The following SHROOM2 variants were observed in gnomAD, a reference collection of about 807,000 sequenced individuals.
SHROOM2 encodes the protein protein Shroom2.
In SHROOM2, 33 loss-of-function variants were observed where a neutral mutation model predicts 75.9. The ratio of observed to expected loss-of-function variants is 0.43; its 90% CI spans 0.33 to 0.58. The LOEUF is 0.58. Ranked by LOEUF, SHROOM2 falls within the 20% of genes least tolerant of loss-of-function variation. The pLI, the probability that SHROOM2 is intolerant of heterozygous loss-of-function variation, is 0.04. For missense variants in SHROOM2, 1,434 were observed against 1,461.2 expected, an observed-to-expected ratio of 0.98 and a Z score of 0.30; for synonymous variants, 655 against 663.6, an observed-to-expected ratio of 0.99 and a Z score of 0.20.
chrX:9,915,915 A>G (rs1331767094), intron 5 of SHROOM2, among the ~76,000 whole-genome samples: 2 of 111,799 alleles, frequency 1.8e-5, no homozygotes, highest in Admixed American at 1.9e-4. Context: ...TTTTCTCTTA[A>G]TTTATGAAGC....
intron 6 of SHROOM2, among the ~76,000 whole-genome samples, chrX:9,935,349 G>GT (rs1220857146): frequency 2.0e-5 from 2 of 101,965 alleles, no homozygotes; most frequent in African/African-American, 7.6e-5. Flanking sequence ...TTATTATTAT[G>GT]TTTTTAACAG....
intron 5 of SHROOM2, among the ~76,000 whole-genome samples, chrX:9,914,758 G>C (rs191038919): frequency 1.6e-3 from 176 of 112,166 alleles, no homozygotes; most frequent in African/African-American, 5.6e-3. Context: ...CAAACTGGGG[G>C]CGGGGTGACT....
intron 1 of SHROOM2, among the ~76,000 whole-genome samples, chrX:9,792,067 AATAG>A: frequency 1.9e-4 from 1 of 5,386 alleles, no homozygotes; most frequent in African/African-American, 5.5e-4. Flanking sequence ...AATAGAATAG[AATAG>A]AATAGAATAG....
chrX:9,850,745 T>TG (rs2084034354), intron 1 of SHROOM2, among the ~76,000 whole-genome samples: 2 of 98,532 alleles, frequency 2.0e-5, no homozygotes, highest in Non-Finnish European at 4.0e-5. Context: ...GAGGCTGAGG[T>TG]GGGGGGATCA....
chrX:9,817,162 A>G (rs1453069330), intron 1 of SHROOM2, among the ~76,000 whole-genome samples: 1 of 109,766 alleles, frequency 9.1e-6, no homozygotes, highest in Non-Finnish European at 1.9e-5. Context: ...TTGTAGAGAC[A>G]GGATTTCACG....
At chrX:9,938,639 C>T (rs185705106) in intron 7 of SHROOM2, among the ~76,000 whole-genome samples, 1 of 112,533 alleles carries the variant, frequency 8.9e-6, no homozygotes, top group Non-Finnish European at 1.9e-5. Flanking sequence ...GCACTTTCAG[C>T]GTATCTCCTT....
Position 9,896,039 on chromosome X carries a change from C to T in SHROOM2, c.2131C>T (p.Pro711Ser), listed in dbSNP as rs1282591965. ...GGACCCCAACCCAGGAGACCTATAC[C>T]CGGAGTCACTGGAACACCGGATGGG... ...DLDPNPGDLYPESLEHRMGDP... is the reference protein window; with the variant it reads ...DLDPNPGDLYSESLEHRMGDP... The change falls in exon 4 of 10, where the codon CCG (proline) becomes TCG (serine). Residue 711 changes from proline (P) to serine (S), a missense_variant. This residue lies in a region of SHROOM2 where 1,340 missense variants were observed against 1,338.3 expected (regional missense o/e 1.00). Coordinates refer to ENST00000380913, the MANE Select transcript of SHROOM2 (RefSeq NM_001649.4). 8.3e-6 allele frequency: 10 copies of T among 1,210,766 alleles called. No homozygotes were observed. Among genetic ancestry groups the T allele is most frequent in the Non-Finnish European group, 1.0e-5 (9 of 895,344 alleles).
At chrX:9,931,229 G>A (rs770342320) in intron 5 of SHROOM2, among the ~76,000 whole-genome samples, 1 of 110,268 alleles carries the variant, frequency 9.1e-6, no homozygotes, top group Non-Finnish European at 1.9e-5. Context: ...GAGCAGAGGA[G>A]GCTGCCCTCC....
At chrX:9,869,033 T>C (rs1347979892) in intron 1 of SHROOM2, among the ~76,000 whole-genome samples, 1 of 112,202 alleles carries the variant, frequency 8.9e-6, no homozygotes, top group Non-Finnish European at 1.9e-5. Flanking sequence ...ATTGGCTCAC[T>C]GTAACCTCCA....
At chrX:9,817,338 A>C (rs2083828691) in intron 1 of SHROOM2, among the ~76,000 whole-genome samples, 1 of 109,534 alleles carries the variant, frequency 9.1e-6, no homozygotes. Context: ...TTAAATCATA[A>C]GGGCAAAAGC....
intron 5 of SHROOM2, among the ~76,000 whole-genome samples, chrX:9,922,589 C>A (rs987793756): frequency 4.5e-5 from 5 of 110,679 alleles, no homozygotes; most frequent in Non-Finnish European, 9.4e-5. Flanking sequence ...TGCTGTGTCT[C>A]GGTAGTTTTT....
At position 9,939,332 on chromosome X, in the gene SHROOM2, G is replaced by A; in HGVS notation, c.4277G>A (p.Gly1426Glu). 2 of 1,209,512 alleles carry A rather than the reference G, an allele frequency of 1.7e-6. No homozygotes were observed. Among genetic ancestry groups the A allele is most frequent in the Non-Finnish European group, 2.2e-6 (2 of 894,317 alleles). The change falls in exon 8 of 10, where the codon GGA (glycine) becomes GAA (glutamate). Residue 1426 changes from glycine to glutamate, a missense_variant. By Grantham distance (98) the Gly-to-Glu change is moderately conservative (BLOSUM62 -2). This residue lies in a region of SHROOM2 where 1,340 missense variants were observed against 1,338.3 expected (regional missense o/e 1.00). Transcript: ENST00000380913. ...QEQQEHEEDS[G>E]SDLDHDLSVK... is the part of the protein sequence containing the mutation. ...CAGCAGGAGCACGAAGAGGATTCGGGAAGCGACTTGGACCACGACCTGTCG... is the reference window on the plus strand; with the variant it reads ...CAGCAGGAGCACGAAGAGGATTCGGAAAGCGACTTGGACCACGACCTGTCG...
chrX:9,939,453 C>A, intron 8 of SHROOM2, 87 bp downstream of exon 8: 1 of 848,078 alleles, frequency 1.2e-6, no homozygotes, highest in Admixed American at 3.6e-5. Context: ...CAGCGCAGAC[C>A]CTGCACCACG....
At chrX:9,941,460 C>T (rs1374081141) in intron 8 of SHROOM2, among the ~76,000 whole-genome samples, 1 of 112,303 alleles carries the variant, frequency 8.9e-6, no homozygotes, top group Non-Finnish European at 1.9e-5. Context: ...TCTTTGAAAG[C>T]CAACGGCTGT....
intron 1 of SHROOM2, among the ~76,000 whole-genome samples, chrX:9,793,409 C>T (rs1047471630): frequency 9.1e-6 from 1 of 109,740 alleles, no homozygotes; most frequent in Non-Finnish European, 1.9e-5. Context: ...CCCACCTCAC[C>T]CTCCCGAGTA....
intron 1 of SHROOM2, among the ~76,000 whole-genome samples, chrX:9,825,298 G>A (rs1243860367): frequency 1.8e-5 from 2 of 112,357 alleles, no homozygotes; most frequent in African/African-American, 6.5e-5. Flanking sequence ...TATTGCACCA[G>A]GACTGTCTCC....
At position 9,932,684 on chromosome X, in the gene SHROOM2, G is replaced by A. The variant is rs752477125; in HGVS notation, c.3401G>A (p.Arg1134His). 131 of 1,210,247 alleles carry A rather than the reference G, an allele frequency of 1.1e-4. No individual in the cohort carries two copies. The South Asian group carries it at 1.6e-3, about 15-fold the overall frequency. The change falls in exon 6 of 10, where the codon CGT becomes CAT. Residue 1134 changes from arginine (R) to histidine (H), a missense_variant. Transcript: ENST00000380913. ...ACCCCGAAGGCCACTGTCTGTGAGC[G>A]TGGAAGCCAGCATGTGAGCGGGGAC... ...QDTPKATVCE[R>H]GSQHVSGDAS...
intron 5 of SHROOM2, among the ~76,000 whole-genome samples, chrX:9,915,070 G>A (rs2084477602): frequency 8.9e-6 from 1 of 112,049 alleles, no homozygotes; most frequent in South Asian, 3.7e-4. Context: ...AGCCACCTAA[G>A]CATTCTGACC....
At chrX:9,855,739 C>G (rs1050282662) in intron 1 of SHROOM2, among the ~76,000 whole-genome samples, 2 of 111,771 alleles carry the variant, frequency 1.8e-5, no homozygotes, top group Non-Finnish European at 3.8e-5. Flanking sequence ...GTACGACCAT[C>G]GGGTGTGTCA....
Sources: gnomAD v4.1 joint callset for allele counts (sites outside exome capture counted in the v4.1 genomes callset) on GRCh38, gnomAD v4.1.1 for gene constraint, gnomAD v4.1.1 regional missense constraint, MANE v1.5 for transcripts, NCBI Gene and HGNC (gene_info 2026-07-23, HGNC 2026-07-21) for gene names.